Variants in TRAPPC9 observed in about 807,000 individuals in gnomAD.
The protein encoded by TRAPPC9 is IKK2 binding protein.
Under a neutral mutation model 124.0 loss-of-function variants are expected in TRAPPC9, and 83 were observed. That is an observed-to-expected ratio of 0.67 (90% confidence interval 0.56 to 0.80). The LOEUF is 0.80. Among genes scored for constraint, TRAPPC9 ranks in the 30% least tolerant of loss-of-function variants. The pLI, the probability that TRAPPC9 is intolerant of heterozygous loss-of-function variation, is 0.00. For synonymous variants in TRAPPC9, 638 were observed against 617.5 expected, an observed-to-expected ratio of 1.03 and a Z score of -0.49; for missense variants, 1,302 against 1,508.3, an observed-to-expected ratio of 0.86 and a Z score of 2.27.
At chr8:139,861,191 G>T (rs1828120394) in intron 21 of TRAPPC9, among the ~76,000 whole-genome samples, 3 of 152,228 alleles carry the variant, frequency 2.0e-5, no homozygotes, top group Admixed American at 2.0e-4. Flanking sequence ...GGTGCTCCTT[G>T]CAGATTAACA....
intron 8 of TRAPPC9, among the ~76,000 whole-genome samples, chr8:140,367,615 G>A (rs796463795): frequency 2.0e-5 from 3 of 152,214 alleles, no homozygotes; most frequent in African/African-American, 7.2e-5. Context: ...GGATCTTCAC[G>A]GCAGGGAAAC....
chr8:140,322,071 C>G (rs966119247), intron 9 of TRAPPC9, among the ~76,000 whole-genome samples: 3 of 152,166 alleles, frequency 2.0e-5, no homozygotes, highest in Admixed American at 6.5e-5. Flanking sequence ...AAGGCAGTAC[C>G]CTGTGGAAGG....
chr8:140,407,528 C>T (rs1374421725), intron 5 of TRAPPC9, among the ~76,000 whole-genome samples: 10 of 152,078 alleles, frequency 6.6e-5, no homozygotes, highest in African/African-American at 1.7e-4. Context: ...ATCCCCCCGA[C>T]GGAGAAGGAA....
At chr8:140,187,282 G>C (rs1324889421) in intron 17 of TRAPPC9, among the ~76,000 whole-genome samples, 1 of 152,152 alleles carries the variant, frequency 6.6e-6, no homozygotes, top group African/African-American at 2.4e-5. Flanking sequence ...GAGTATACGC[G>C]GGGGCCTTGG....
At chr8:139,878,944 G>C (rs373604383) in intron 21 of TRAPPC9, among the ~76,000 whole-genome samples, 2 of 152,242 alleles carry the variant, frequency 1.3e-5, no homozygotes, top group South Asian at 4.1e-4. Flanking sequence ...GCAGGAGCCT[G>C]TCTCAAAACT....
intron 16 of TRAPPC9, among the ~76,000 whole-genome samples, chr8:140,247,188 T>C (rs2064009023): frequency 6.6e-6 from 1 of 152,232 alleles, no homozygotes; most frequent in Non-Finnish European, 1.5e-5. Context: ...ACTTTGGCTG[T>C]GCTTCCCTAG....
chr8:140,396,902 G>A (rs978310946), intron 7 of TRAPPC9, among the ~76,000 whole-genome samples: 1 of 151,984 alleles, frequency 6.6e-6, no homozygotes, highest in Non-Finnish European at 1.5e-5. Context: ...CCACAAAACT[G>A]TCAGATGGAT....
At chr8:140,339,800 C>T (rs2067144065) in intron 9 of TRAPPC9, among the ~76,000 whole-genome samples, 1 of 152,214 alleles carries the variant, frequency 6.6e-6, no homozygotes, top group South Asian at 2.1e-4. Flanking sequence ...ATTTTCATCA[C>T]TGAAGTCACA....
At chr8:139,812,442 A>G (rs1260207065) in intron 21 of TRAPPC9, among the ~76,000 whole-genome samples, 1 of 152,160 alleles carries the variant, frequency 6.6e-6, no homozygotes, top group African/African-American at 2.4e-5. Context: ...TCTATTTGGC[A>G]TTAATTCAGT....
At chr8:140,015,034 A>G (rs1447661041) in intron 18 of TRAPPC9, among the ~76,000 whole-genome samples, 5 of 152,282 alleles carry the variant, frequency 3.3e-5, no homozygotes, top group African/African-American at 1.2e-4. Context: ...CCAGGAGTAA[A>G]TAACTCACAT....
intron 18 of TRAPPC9, among the ~76,000 whole-genome samples, chr8:140,009,120 C>T (rs569497347): frequency 6.6e-6 from 1 of 152,186 alleles, no homozygotes; most frequent in East Asian, 1.9e-4. Context: ...GGAATTGGAC[C>T]ATTTTTGCCC....
intron 6 of TRAPPC9, among the ~76,000 whole-genome samples, chr8:140,402,807 T>C (rs1319377150): frequency 1.3e-5 from 2 of 152,038 alleles, no homozygotes; most frequent in Non-Finnish European, 2.9e-5. Flanking sequence ...GAATGAAAAG[T>C]TAATATGTGA....
intron 17 of TRAPPC9, among the ~76,000 whole-genome samples, chr8:140,169,909 T>C (rs1453493694): frequency 6.6e-6 from 1 of 152,068 alleles, no homozygotes; most frequent in Non-Finnish European, 1.5e-5. Context: ...AGCTAGTTTC[T>C]GCATTTTCTG....
chr8:139,985,586 T>C (rs956984067), intron 19 of TRAPPC9, among the ~76,000 whole-genome samples: 2 of 151,996 alleles, frequency 1.3e-5, no homozygotes, highest in African/African-American at 4.8e-5. Context: ...AAGTGACAAG[T>C]CCTTTCCAAG....
chr8:139,888,758 G>C (rs943439393), intron 20 of TRAPPC9, among the ~76,000 whole-genome samples: 3 of 152,156 alleles, frequency 2.0e-5, no homozygotes, highest in Admixed American at 6.5e-5. Context: ...CAAATACTCT[G>C]CAATGAACTT....
At chr8:139,919,013 C>T (rs1264248864) in intron 19 of TRAPPC9, among the ~76,000 whole-genome samples, 1 of 152,210 alleles carries the variant, frequency 6.6e-6, no homozygotes, top group Non-Finnish European at 1.5e-5. Context: ...CTTCATTCCC[C>T]ACGGCCTCTG....
intron 7 of TRAPPC9, among the ~76,000 whole-genome samples, chr8:140,380,897 A>G (rs1175249935): frequency 6.6e-6 from 1 of 152,074 alleles, no homozygotes; most frequent in Non-Finnish European, 1.5e-5. Flanking sequence ...TTGTGCTGCC[A>G]AGGACACCAT....
intron 19 of TRAPPC9, among the ~76,000 whole-genome samples, chr8:139,922,414 C>G (rs1372873504): frequency 6.6e-6 from 1 of 152,252 alleles, no homozygotes; most frequent in Non-Finnish European, 1.5e-5. Context: ...AAACTCCTGA[C>G]CTCATGATCC....
At chr8:140,305,984 T>A (rs943360095) in intron 10 of TRAPPC9, among the ~76,000 whole-genome samples, 1 of 152,154 alleles carries the variant, frequency 6.6e-6, no homozygotes, top group African/African-American at 2.4e-5. Flanking sequence ...TGAAGGGGGT[T>A]TATTGGTGCT....
Sources: gnomAD v4.1 joint callset for allele counts (sites outside exome capture counted in the v4.1 genomes callset) on GRCh38, gnomAD v4.1.1 for gene constraint, MANE v1.5 for transcripts, NCBI Gene and HGNC (gene_info 2026-07-23, HGNC 2026-07-21) for gene names.